The following MEAK7 variants were observed in gnomAD, a reference collection of about 807,000 sequenced individuals.
MEAK7 encodes the protein MTOR associated protein MEAK7.
MEAK7 carries 68 observed loss-of-function variants against 40.5 expected under a neutral mutation model. The ratio of observed to expected loss-of-function variants is 1.68; its 90% confidence interval spans 1.38 to 2.06. MEAK7 has a LOEUF of 2.06. MEAK7 is among the 30% of genes most tolerant of loss of function. The pLI, the probability that MEAK7 is intolerant of heterozygous loss-of-function variation, is 0.00. For synonymous variants in MEAK7, 338 were observed against 231.9 expected (o/e 1.46, Z -4.16); for missense variants, 918 against 580.5 (o/e 1.58, Z -5.98).
chr16:84,490,991 G>C (rs1315268428), intron 3 of MEAK7, among the ~76,000 whole-genome samples: 1 of 148,564 alleles, frequency 6.7e-6, no homozygotes, highest in African/African-American at 2.5e-5. Flanking sequence ...CTTTTCTACT[G>C]TGTTACCTGA....
At chr16:84,497,622 A>C (rs1217734173) in intron 2 of MEAK7, 2 of 1,359,086 alleles carry the variant, frequency 1.5e-6, no homozygotes, top group South Asian at 2.4e-5. Context: ...CGTGTGAATC[A>C]TTCATTATCT....
At position 84,495,846 on chromosome 16, in the gene MEAK7, T is replaced by C. The variant is rs760131552; in HGVS notation, c.221A>G (p.Asp74Gly). 1 of 1,614,090 alleles carries C rather than the reference T, an allele frequency of 6.2e-7. No individual in the cohort carries two copies. The highest frequency in any genetic ancestry group is 1.7e-5 in the Admixed American group (1 of 60,004). The change falls in exon 3 of 8, where the codon GAC (aspartate) becomes GGC (glycine). Residue 74 changes from aspartate to glycine, a missense_variant. Coordinates refer to ENST00000343629, the MANE Select transcript of MEAK7 (RefSeq NM_020947.4). ...TRLYDGMRRV[D>G]LTGKAKGPSE... Reference sequence around the variant, plus strand: ...GGGTCCCTTCGCCTTCCCTGTCAGGTCGACCCTCCGCATGCCATCATACAG... The same window carrying C: ...GGGTCCCTTCGCCTTCCCTGTCAGGCCGACCCTCCGCATGCCATCATACAG...
chr16:84,495,659 C>T (rs756208498), intron 3 of MEAK7, 24 bp downstream of exon 3: 1 of 1,612,550 alleles, frequency 6.2e-7, no homozygotes, highest in Non-Finnish European at 8.5e-7. Flanking sequence ...GAGGAGGCTG[C>T]AAAGGACCTC....
intron 4 of MEAK7, among the ~76,000 whole-genome samples, chr16:84,488,938 A>C (rs1253634941): frequency 6.6e-6 from 1 of 152,190 alleles, no homozygotes; most frequent in Non-Finnish European, 1.5e-5. Flanking sequence ...AAGCTAGAGG[A>C]AAATAAATAG....
intron 3 of MEAK7, among the ~76,000 whole-genome samples, chr16:84,493,469 G>A (rs1388118657): frequency 1.3e-5 from 2 of 152,178 alleles, no homozygotes; most frequent in Non-Finnish European, 2.9e-5. Context: ...TTAATTGCGT[G>A]GACCGAACTA....
At chr16:84,491,550 A>C (rs996383317) in intron 3 of MEAK7, among the ~76,000 whole-genome samples, 7 of 150,920 alleles carry the variant, frequency 4.6e-5, no homozygotes, top group African/African-American at 1.7e-4. Context: ...AAAAAAAAAA[A>C]AAAAACGTCT....
chr16:84,479,628 A>G lies in MEAK7; in HGVS notation c.*285T>C, dbSNP rs957907740. 12 of 304,220 alleles carry G rather than the reference A, an allele frequency of 3.9e-5. No individual in the cohort carries two copies. The highest frequency in any genetic ancestry group is 2.5e-4 in the Admixed American group (5 of 19,812). 18.8% of individuals were successfully genotyped at this position (304,220 alleles called of 1,614,324 possible). On this transcript the variant is annotated 3_prime_UTR_variant, in exon 8 of 8. Transcript: ENST00000343629. Reference sequence around the variant, plus strand: ...TTTCGTTGGTAAAAAAGAACAAAGTATAAGACTGAGTTACTAATTTGACAC... The same window carrying G: ...TTTCGTTGGTAAAAAAGAACAAAGTGTAAGACTGAGTTACTAATTTGACAC...
chr16:84,502,927 T>G (rs898088209), intron 1 of MEAK7: 2 of 152,208 alleles, frequency 1.3e-5, no homozygotes, highest in Admixed American at 6.5e-5. Context: ...ATGTTTTGCT[T>G]GACCAGACTT....
intron 3 of MEAK7, among the ~76,000 whole-genome samples, chr16:84,494,054 A>C (rs1913843765): frequency 6.6e-6 from 1 of 152,226 alleles, no homozygotes; most frequent in Admixed American, 6.5e-5. Context: ...AATGAAATAA[A>C]ATAAAATAAA....
chr16:84,489,942 G>A (rs145463060), intron 3 of MEAK7, among the ~76,000 whole-genome samples: 7 of 152,296 alleles, frequency 4.6e-5, no homozygotes, highest in African/African-American at 1.4e-4. Context: ...TTCTAAGATG[G>A]CAGAGGGCAG....
intron 3 of MEAK7, among the ~76,000 whole-genome samples, chr16:84,492,148 G>T (rs367813941): frequency 9.2e-5 from 14 of 152,282 alleles, no homozygotes; most frequent in South Asian, 4.1e-4. Context: ...GTATGAGATT[G>T]TAAGGGCCGA....
intron 3 of MEAK7, among the ~76,000 whole-genome samples, chr16:84,495,185 C>T (rs1258727789): frequency 6.6e-6 from 1 of 152,164 alleles, no homozygotes; most frequent in African/African-American, 2.4e-5. Context: ...AGGAGAACCA[C>T]TTGAACCTGA....
rs1913083314 is a variant in MEAK7, at chr16:84,486,639, T to C, written c.950A>G (p.Gln317Arg). Reference protein sequence around the residue: ...FASCSWEVKPQFQGDNRCFLF... With the variant: ...FASCSWEVKPRFQGDNRCFLF... Reference sequence around the variant, plus strand: ...AGGACACCAAGTCTTACCTTGAAACTGAGGCTTCACCTCCCAAGAGCAAGA... The same window carrying C: ...AGGACACCAAGTCTTACCTTGAAACCGAGGCTTCACCTCCCAAGAGCAAGA... Residue 317 changes from glutamine to arginine, a missense_variant, in exon 5 of 8, where the codon CAG becomes CGG. Gln to Arg is a conservative substitution (Grantham distance 43, BLOSUM62 1). Coordinates refer to ENST00000343629, the MANE Select transcript of MEAK7 (RefSeq NM_020947.4). The C allele has an allele frequency of 2.5e-6, 4 of 1,604,774 alleles. No individual in the cohort carries two copies. Among genetic ancestry groups the C allele is most frequent in the Non-Finnish European group, 3.4e-6 (4 of 1,175,618 alleles).
At chr16:84,491,479 T>C (rs2927754) in intron 3 of MEAK7, among the ~76,000 whole-genome samples, 137,317 of 149,886 alleles carry the variant, frequency 0.92, 63,644 homozygotes, top group East Asian at 1. Flanking sequence ...GCAGAGGTTG[T>C]AGTGAGCTGA....
chr16:84,478,905 C>T lies in MEAK7; in HGVS notation c.*1008G>A, dbSNP rs1375527804. On this transcript the variant is annotated 3_prime_UTR_variant, in exon 8 of 8. Transcript: ENST00000343629. ...GTCTAGAACCCAGGCCAGTCACTCA[C>T]CACTGATTTATGGAATGGACCATAT... The T allele has an allele frequency of 6.6e-6, 1 of 152,212 alleles. No individual in the cohort carries two copies. The highest frequency in any genetic ancestry group is 2.4e-5 in the African/African-American group (1 of 41,438). The allele number at this position is 152,212 out of a possible 1,614,324, so 9.4% of individuals were successfully genotyped here.
intron 2 of MEAK7, among the ~76,000 whole-genome samples, 153 bp from the exon 3 acceptor site, chr16:84,496,066 C>T (rs952675390): frequency 2.0e-5 from 3 of 152,176 alleles, no homozygotes; most frequent in African/African-American, 7.2e-5. Flanking sequence ...TGTAAAGCCC[C>T]GTCTCTTAGA....
intron 1 of MEAK7, among the ~76,000 whole-genome samples, chr16:84,500,384 C>G (rs1914399375): frequency 6.6e-6 from 1 of 152,218 alleles, no homozygotes; most frequent in Non-Finnish European, 1.5e-5. Context: ...GCCAAGTGCT[C>G]TCCACTCTAT....
At chr16:84,486,540 A>T in intron 5 of MEAK7, 91 bp downstream of exon 5, 8 of 1,493,604 alleles carry the variant, frequency 5.4e-6, no homozygotes, top group Non-Finnish European at 7.1e-6. Context: ...AAGATGGGAG[A>T]GCCCTATTTA....
intron 4 of MEAK7, among the ~76,000 whole-genome samples, chr16:84,489,003 T>C (rs418127): frequency 0.99 from 150,099 of 152,298 alleles, 73,999 homozygotes; most frequent in East Asian, 1. Flanking sequence ...CTTCAAAAAG[T>C]ACCGACAAAA....
Sources: allele counts gnomAD v4.1 joint callset (sites outside exome capture counted in the v4.1 genomes callset), GRCh38; gene constraint gnomAD v4.1.1; transcripts MANE v1.5; gene names NCBI Gene and HGNC (gene_info 2026-07-23, HGNC 2026-07-21).